The following PTPRN2 variants were observed in gnomAD, a reference collection of about 807,000 sequenced individuals.
PTPRN2 encodes the protein protein tyrosine phosphatase receptor type N2.
A neutral mutation model predicts 118.8 loss-of-function variants in PTPRN2; 74 were observed. That is an observed-to-expected ratio of 0.62 (90% confidence interval 0.52 to 0.76). PTPRN2 has a LOEUF of 0.76. PTPRN2 is among the 30% of genes least tolerant of loss of function. The pLI is 0.00. For missense variants in PTPRN2, 1,481 were observed against 1,394.4 expected (o/e 1.06, Z -0.99); for synonymous variants, 641 against 608.0 (o/e 1.05, Z -0.80).
intron 3 of PTPRN2, among the ~76,000 whole-genome samples, chr7:158,263,377 G>T (rs1039503242): frequency 6.6e-6 from 1 of 151,292 alleles, no homozygotes; most frequent in Non-Finnish European, 1.5e-5. Flanking sequence ...CATGCACACT[G>T]TACACACACG....
chr7:158,347,420 T>C (rs1200316542), intron 2 of PTPRN2, among the ~76,000 whole-genome samples: 1 of 152,226 alleles, frequency 6.6e-6, no homozygotes, highest in Non-Finnish European at 1.5e-5. Context: ...CATGGATTCA[T>C]TTCCTGGCTC....
At chr7:157,835,066 T>C (rs1032024393) in intron 12 of PTPRN2, among the ~76,000 whole-genome samples, 4 of 152,100 alleles carry the variant, frequency 2.6e-5, no homozygotes, top group Non-Finnish European at 1.5e-5. Context: ...CCTTTGAGAA[T>C]GAGTGAAGAG....
chr7:158,540,267 T>C (rs1463359233), intron 1 of PTPRN2, among the ~76,000 whole-genome samples: 1 of 152,198 alleles, frequency 6.6e-6, no homozygotes, highest in Non-Finnish European at 1.5e-5. Flanking sequence ...CCTCCCTTTT[T>C]ACTCCAAGCG....
At chr7:157,885,803 T>G (rs537697291) in intron 12 of PTPRN2, among the ~76,000 whole-genome samples, 1 of 152,228 alleles carries the variant, frequency 6.6e-6, no homozygotes, top group Non-Finnish European at 1.5e-5. Flanking sequence ...CTGGCCTGAG[T>G]CAGGCTGCCT....
intron 12 of PTPRN2, among the ~76,000 whole-genome samples, chr7:157,839,198 A>C (rs1808193275): frequency 6.6e-6 from 1 of 152,216 alleles, no homozygotes; most frequent in Admixed American, 6.5e-5. Context: ...TCTTTACTGA[A>C]TTGGTATCTG....
Position 157,861,177 on chromosome 7 carries a change from C to T in PTPRN2, c.1788+37496G>A, listed in dbSNP as rs1490386487. On this transcript the variant is annotated intron_variant, in intron 12 of 22. Transcript: ENST00000389418. This position sits in a 1 kb window ranked among gnomAD's most constrained non-coding sequence, Gnocchi z 5.8. ...AGGGATGTGCCAGCTCAGGGAGGCA[C>T]CCTGTGCGTGCTCCATGGTGACACT... 6.6e-6 allele frequency among the ~76,000 whole-genome samples: 1 copy of T among 152,178 alleles called. No individual in the cohort carries two copies. Among genetic ancestry groups the T allele is most frequent in the Non-Finnish European group, 1.5e-5 (1 of 68,032 alleles).
At chr7:158,431,843 G>A (rs1816229501) in intron 2 of PTPRN2, among the ~76,000 whole-genome samples, 1 of 152,268 alleles carries the variant, frequency 6.6e-6, no homozygotes, top group African/African-American at 2.4e-5. Flanking sequence ...ACCCACCCGA[G>A]GGACAGGCTG....
chr7:157,788,057 G>A (rs1361069277), intron 12 of PTPRN2, among the ~76,000 whole-genome samples: 5 of 152,222 alleles, frequency 3.3e-5, no homozygotes, highest in Non-Finnish European at 7.3e-5. Context: ...ACAGAGTTCT[G>A]CCAAAGAAGA....
chr7:157,774,887 G>A (rs192405117), intron 12 of PTPRN2, among the ~76,000 whole-genome samples: 2 of 152,300 alleles, frequency 1.3e-5, no homozygotes, highest in South Asian at 2.1e-4. Flanking sequence ...CAGAGTGGAG[G>A]TAAAAGGCCT....
rs753363067 is a variant in PTPRN2 at position 158,071,450 on chromosome 7, C to CGTG, written c.1723+9845_1723+9847dup. Reference sequence around the variant, plus strand: ...AGGTGCTCGTGGTGGTGGAGGTGCTCGTGGTTGAGGTGCTCGTGGTGGTGG... The same window carrying CGTG: ...AGGTGCTCGTGGTGGTGGAGGTGCTCGTGGTGGTTGAGGTGCTCGTGGTGGTGG... On this transcript the variant is annotated intron_variant, in intron 11 of 22. Transcript: ENST00000389418. 3.0e-4 allele frequency among the ~76,000 whole-genome samples: 8 copies of CGTG among 26,888 alleles called. No individual in the cohort carries two copies. The East Asian group carries it at 4.9e-3, about 17-fold the overall frequency. 17.6% of individuals were successfully genotyped at this position (26,888 alleles called of 152,430 possible).
chr7:157,658,772 A>C (rs573993856), intron 13 of PTPRN2, among the ~76,000 whole-genome samples: 1 of 152,338 alleles, frequency 6.6e-6, no homozygotes, highest in East Asian at 1.9e-4. Flanking sequence ...GATACCCAGA[A>C]AAAGTTTATA....
intron 13 of PTPRN2, among the ~76,000 whole-genome samples, chr7:157,681,243 A>G (rs962061175): frequency 3.3e-5 from 5 of 152,228 alleles, no homozygotes; most frequent in African/African-American, 1.2e-4. Context: ...TCTCTCACGC[A>G]TGGAACAGAA....
At chr7:158,508,488 T>C (rs1822935144) in intron 1 of PTPRN2, among the ~76,000 whole-genome samples, 1 of 152,002 alleles carries the variant, frequency 6.6e-6, no homozygotes. Flanking sequence ...GGTGTGGCCG[T>C]GACTCAGCAA....
Position 157,845,743 on chromosome 7 carries a change from C to T in PTPRN2, c.1788+52930G>A, listed in dbSNP as rs1808760467. On this transcript the variant is annotated intron_variant, in intron 12 of 22. Coordinates refer to ENST00000389418, the MANE Select transcript of PTPRN2 (RefSeq NM_002847.5). This position sits in a 1 kb window ranked among gnomAD's most constrained non-coding sequence, Gnocchi z 4.5. ...CAGAGAGGTCCCTGTGCTCATGACT[C>T]ACAGAGACGGGGACGGCAGCAAGGA... Among the ~76,000 whole-genome samples the T allele has an allele frequency of 6.6e-6, 1 of 152,132 alleles. No homozygotes were observed. The highest frequency in any genetic ancestry group is 1.5e-5 in the Non-Finnish European group (1 of 68,038).
rs1803798720 is a variant in PTPRN2, at chr7:157,629,340, C to T, written c.2197-7831G>A. Among the ~76,000 whole-genome samples, 1 of 152,034 alleles carries T rather than the reference C, an allele frequency of 6.6e-6. No individual in the cohort carries two copies. The highest frequency in any genetic ancestry group is 1.5e-5 in the Non-Finnish European group (1 of 68,008). ...AGTCACAGAAATTAGGTTATTTTGG[C>T]ATCTATCTGTTGGCTGTAACAATGA... On this transcript the variant is annotated intron_variant, in intron 14 of 22. Transcript: ENST00000389418. This position sits in a 1 kb window ranked among gnomAD's most constrained non-coding sequence, Gnocchi z 4.4.
At chr7:158,562,230 T>A (rs1827434601) in intron 1 of PTPRN2, among the ~76,000 whole-genome samples, 1 of 152,190 alleles carries the variant, frequency 6.6e-6, no homozygotes, top group Non-Finnish European at 1.5e-5. Context: ...GGATCATAGA[T>A]GACGCCTTCT....
intron 11 of PTPRN2, chr7:158,029,695 G>A (rs1807545246): frequency 6.6e-6 from 1 of 150,818 alleles, no homozygotes; most frequent in Non-Finnish European, 1.5e-5. Flanking sequence ...CACAGGGGCT[G>A]GGAGCTCCGG....
intron 2 of PTPRN2, among the ~76,000 whole-genome samples, chr7:158,318,486 C>A (rs181652714): frequency 1.3e-5 from 2 of 152,136 alleles, no homozygotes; most frequent in African/African-American, 4.8e-5. Context: ...GAGTGAGCCA[C>A]GGGCCAGGAA....
intron 11 of PTPRN2, among the ~76,000 whole-genome samples, chr7:158,061,273 A>C (rs1250293695): frequency 1.3e-5 from 2 of 152,260 alleles, no homozygotes; most frequent in Non-Finnish European, 2.9e-5. Context: ...GATGTGCACA[A>C]AGGACCCAGG....
Sources: allele counts gnomAD v4.1 joint callset (sites outside exome capture counted in the v4.1 genomes callset), GRCh38; gene constraint gnomAD v4.1.1; non-coding constraint Gnocchi (gnomAD v3.1); transcripts MANE v1.5; gene names NCBI Gene and HGNC (gene_info 2026-07-23, HGNC 2026-07-21).